Variants in ZNF268 observed in about 807,000 individuals in gnomAD.
ZNF268 encodes zinc finger protein 268.
A neutral mutation model predicts 29.3 loss-of-function variants in ZNF268; 20 were observed. The observed-to-expected ratio is 0.68, with a 90% CI of 0.48 to 0.99. The LOEUF (loss-of-function observed/expected upper bound fraction) is 0.99, where lower values mean the gene tolerates loss of function less well. Ranked by LOEUF, ZNF268 falls within the 50% of genes least tolerant of loss-of-function variation. ZNF268 has a pLI of 0.00. For missense variants in ZNF268, 1,240 were observed against 1,121.6 expected (o/e 1.11, Z -1.51); for synonymous variants, 429 against 376.9 (o/e 1.14, Z -1.60).
In ZNF268 at chr12:133,203,897, A is replaced by G. The variant is rs561074064; in HGVS notation, c.2211A>G (p.Ser737=). Residue 737 remains serine, a synonymous_variant, in exon 6 of 6, where the codon TCA becomes TCG. Coordinates refer to ENST00000536435, the MANE Select transcript of ZNF268 (RefSeq NM_003415.3). ...RECGKSFSFN[S]QLIVHQRIHT... ...GCGGGAAATCCTTTAGTTTCAATTCACAACTCATTGTGCATCAGAGAATTC... is the reference window on the plus strand; with the variant it reads ...GCGGGAAATCCTTTAGTTTCAATTCGCAACTCATTGTGCATCAGAGAATTC... 3.2e-6 allele frequency: 5 copies of G among 1,580,350 alleles called. No individual in the cohort carries two copies. The African/African-American group carries it at 6.8e-5, about 21-fold the overall frequency.
At chr12:133,194,939 T>C (rs749061246) in intron 5 of ZNF268, among the ~76,000 whole-genome samples, 5 of 66,166 alleles carry the variant, frequency 7.6e-5, no homozygotes, top group Non-Finnish European at 1.7e-4. Context: ...AAGTCTAGGA[T>C]CCTGTTCCCA....
Position 133,203,562 on chromosome 12 carries a change from A to T in ZNF268, c.1876A>T (p.Asn626Tyr). The change falls in exon 6 of 6, where the codon AAC (asparagine) becomes TAC (tyrosine). Residue 626 changes from asparagine (N) to tyrosine (Y), a missense_variant. Asn to Tyr is a moderately radical substitution (Grantham distance 143). Transcript: ENST00000536435. ...ECQKAFNTKS[N>Y]LIVHQRTHTG... Reference sequence around the variant, plus strand: ...TCAGAAAGCCTTTAATACAAAGTCAAACCTGATTGTACATCAGAGAACTCA... The same window carrying T: ...TCAGAAAGCCTTTAATACAAAGTCATACCTGATTGTACATCAGAGAACTCA... The T allele has an allele frequency of 6.4e-7, 1 of 1,560,812 alleles. No individual in the cohort carries two copies. Among genetic ancestry groups the T allele is most frequent in the Non-Finnish European group, 8.6e-7 (1 of 1,156,204 alleles).
chr12:133,191,561 A>G lies in ZNF268; in HGVS notation c.307A>G (p.Lys103Glu). ...GTGGCAGCTGCTAGACCCAGCACAG[A>G]AGTGCCTGTACAGGAGTGTGATGTT... ...EEWQLLDPAQKCLYRSVMLEN... is the reference protein window; with the variant it reads ...EEWQLLDPAQECLYRSVMLEN... The change falls in exon 4 of 6, where the codon AAG becomes GAG. Residue 103 changes from lysine to glutamate, a missense_variant. This residue lies in a region of ZNF268 where 1,177 missense variants were observed against 1,039.6 expected (regional missense o/e 1.13). Coordinates refer to ENST00000536435, the MANE Select transcript of ZNF268 (RefSeq NM_003415.3). 1 of 1,614,048 alleles carries G rather than the reference A, an allele frequency of 6.2e-7. No individual in the cohort carries two copies. The highest frequency in any genetic ancestry group is 8.5e-7 in the Non-Finnish European group (1 of 1,179,982).
chr12:133,191,939 C>T lies in ZNF268; in HGVS notation c.393C>T (p.Phe131=), dbSNP rs781532248. ...AACACACCAAACCTGATATCATCTT[C>T]AAGTTGGAACAAGGAGAAGAGCTGT... ...GYQHTKPDII[F]KLEQGEELCM... is the part of the protein sequence containing the mutation. Residue 131 remains phenylalanine, a synonymous_variant, in exon 5 of 6, where the codon TTC becomes TTT. Transcript: ENST00000536435. The T allele has an allele frequency of 4.3e-6, 7 of 1,613,974 alleles. No individual in the cohort carries two copies. The East Asian group carries it at 1.1e-4, about 26-fold the overall frequency.
chr12:133,197,848 G>A (rs35037183), intron 5 of ZNF268, among the ~76,000 whole-genome samples: 8,091 of 152,138 alleles, frequency 0.053, 704 homozygotes, highest in African/African-American at 0.18. Context: ...TTTGAGAAGT[G>A]TCTGTTCATA....
chr12:133,208,232 A>C lies in ZNF268; in HGVS notation c.*3702A>C, dbSNP rs531657120. On this transcript the variant is annotated 3_prime_UTR_variant, in exon 6 of 6. Coordinates refer to ENST00000536435, the MANE Select transcript of ZNF268 (RefSeq NM_003415.3). ...CAGGTGTGGTCAGGCGCCGTGGCTC[A>C]TGCCTGTAATCCCAGCACTTTGGGA... is the stretch of plus-strand genomic sequence containing the variant. The C allele has an allele frequency of 1.8e-4, 28 of 152,264 alleles. No individual in the cohort carries two copies. The highest frequency in any genetic ancestry group is 6.3e-4 in the African/African-American group (26 of 41,516). 9.4% of individuals were successfully genotyped at this position (152,264 alleles called of 1,614,324 possible).
At chr12:133,195,971 A>G (rs536740823) in intron 5 of ZNF268, among the ~76,000 whole-genome samples, 19 of 148,894 alleles carry the variant, frequency 1.3e-4, no homozygotes, top group African/African-American at 4.4e-4. Flanking sequence ...CAGCCTCCCA[A>G]GGTGCTGGGA....
chr12:133,181,796 G>T (rs1956182817), intron 1 of ZNF268, 110 bp downstream of exon 1: 2 of 606,278 alleles, frequency 3.3e-6, no homozygotes, highest in Non-Finnish European at 5.9e-6. Context: ...CTGTGTGTTG[G>T]TGAGGGTGTG....
At chr12:133,187,592 G>A (rs755836922) in intron 2 of ZNF268, among the ~76,000 whole-genome samples, 16 of 152,010 alleles carry the variant, frequency 1.1e-4, no homozygotes, top group Non-Finnish European at 1.8e-4. Context: ...CAGGAAGTCC[G>A]TTTGGAGGCT....
At chr12:133,185,472 TGAGA>T (rs1001572403) in intron 2 of ZNF268, among the ~76,000 whole-genome samples, 1 of 92,346 alleles carries the variant, frequency 1.1e-5, no homozygotes, top group Non-Finnish European at 2.3e-5. Context: ...GATCAGGGAG[TGAGA>T]GAGAGGAGAG....
At position 133,187,944 on chromosome 12, in the gene ZNF268, G is replaced by A. The variant is rs1956365129; in HGVS notation, c.106G>A (p.Gly36Ser). ...GCTCCAAGGTCAGGAATCCATCTTG[G>A]GCCAAGGGACTCCTGGTCTGCAACC... The part of the protein sequence containing the change: ...RKLQGQESIL[G>S]QGTPGLQPLP... Residue 36 changes from glycine (G) to serine (S), a missense_variant, in exon 3 of 6, where the codon GGC becomes AGC. This residue lies in a region of ZNF268 where 51 missense variants were observed against 51.4 expected (regional missense o/e 0.99). Transcript: ENST00000536435. 1 of 1,600,156 alleles carries A rather than the reference G, an allele frequency of 6.2e-7. No homozygotes were observed. The highest frequency in any genetic ancestry group is 8.5e-7 in the Non-Finnish European group (1 of 1,173,256).
At position 133,191,936 on chromosome 12, in the gene ZNF268, C is replaced by T. The variant is rs372724095; in HGVS notation, c.390C>T (p.Ile130=). ...ACCAACACACCAAACCTGATATCAT[C>T]TTCAAGTTGGAACAAGGAGAAGAGC... The part of the protein sequence containing the change: ...LGYQHTKPDI[I]FKLEQGEELC... The change falls in exon 5 of 6, where the codon ATC becomes ATT. Residue 130 remains isoleucine, a synonymous_variant. Transcript: ENST00000536435. 5.0e-6 allele frequency: 8 copies of T among 1,614,098 alleles called. No homozygotes were observed. Among genetic ancestry groups the T allele is most frequent in the Non-Finnish European group, 6.8e-6 (8 of 1,180,004 alleles).
intron 5 of ZNF268, 51 bp from the exon 6 acceptor site, chr12:133,202,093 A>G: frequency 2.8e-6 from 4 of 1,434,760 alleles, no homozygotes; most frequent in Non-Finnish European, 2.8e-6. Flanking sequence ...ACTTTCTAGT[A>G]TACCGCAATC....
Position 133,205,167 on chromosome 12 carries a change from A to AG in ZNF268, c.*637_*638insG, listed in dbSNP as rs1956873500. 1 of 142,130 alleles carries AG rather than the reference A, an allele frequency of 7.0e-6. No individual in the cohort carries two copies. The highest frequency in any genetic ancestry group is 7.3e-5 in the Admixed American group (1 of 13,676). 8.8% of individuals were successfully genotyped at this position (142,130 alleles called of 1,614,324 possible). On this transcript the variant is annotated 3_prime_UTR_variant, in exon 6 of 6. Coordinates refer to ENST00000536435, the MANE Select transcript of ZNF268 (RefSeq NM_003415.3). The stretch of plus-strand genomic sequence containing the variant: ...TCTAAAAAAAAAAAAAAAAAAAAAA[A>AG]AAAAAACCAACCTGTTATTATATCT...
intron 3 of ZNF268, among the ~76,000 whole-genome samples, chr12:133,189,504 G>A (rs922682910): frequency 3.3e-5 from 5 of 151,956 alleles, no homozygotes; most frequent in Non-Finnish European, 5.9e-5. Context: ...TGTGAGCCAC[G>A]GCATCCAGCT....
Position 133,188,063 on chromosome 12 carries a change from CAA to C in ZNF268, c.226_227del (p.Lys76ValfsTer39), listed in dbSNP as rs777073912. The C allele has an allele frequency of 6.1e-5, 96 of 1,586,536 alleles. No individual in the cohort carries two copies. Among genetic ancestry groups the C allele is most frequent in the Non-Finnish European group, 8.1e-5 (95 of 1,166,136 alleles). On this transcript the variant is annotated frameshift_variant, in exon 3 of 6. Coordinates refer to ENST00000536435, the MANE Select transcript of ZNF268 (RefSeq NM_003415.3). LOFTEE classifies it high-confidence loss of function. Reference protein sequence around the residue: ...FISQEQPKITKSWGPLSFMDV... With the variant: ...FISQEQPKITXSWGPLSFMDV... Reference sequence around the variant, plus strand: ...TTTCCCAAGAGCAGCCAAAAATCACCAAGTCCTGGGTGAGCTTCTCATTTGTT... The same window carrying C: ...TTTCCCAAGAGCAGCCAAAAATCACCGTCCTGGGTGAGCTTCTCATTTGTT...
At position 133,203,436 on chromosome 12, in the gene ZNF268, T is replaced by C; in HGVS notation, c.1750T>C (p.Tyr584His). Residue 584 changes from tyrosine to histidine, a missense_variant, in exon 6 of 6, where the codon TAT becomes CAT. By Grantham distance (83) the Tyr-to-His change is moderately conservative. Around this residue, in one of 3 missense-constraint regions of ZNF268, gnomAD observed 1,177 missense variants for 1,039.6 expected, o/e 1.13. Coordinates refer to ENST00000536435, the MANE Select transcript of ZNF268 (RefSeq NM_003415.3). The part of the protein sequence containing the change: ...HQRTHAGEKP[Y>H]ECTDCGKAFG... ...GAGAACTCATGCAGGAGAGAAGCCTTATGAATGCACCGACTGTGGAAAGGC... is the reference window on the plus strand; with the variant it reads ...GAGAACTCATGCAGGAGAGAAGCCTCATGAATGCACCGACTGTGGAAAGGC... The C allele has an allele frequency of 6.5e-7, 1 of 1,543,060 alleles. No individual in the cohort carries two copies. Among genetic ancestry groups the C allele is most frequent in the Non-Finnish European group, 8.7e-7 (1 of 1,148,944 alleles).
In ZNF268 at chr12:133,210,883, C is replaced by T. The variant is rs1452641707; in HGVS notation, c.*6353C>T. On this transcript the variant is annotated 3_prime_UTR_variant, in exon 6 of 6. Transcript: ENST00000536435. ...GCTAGACAAGGTGTGTGCTTGCACC[C>T]CTTCCTTACTACCTAGGCACAGTGT... 2 of 456,056 alleles carry T rather than the reference C, an allele frequency of 4.4e-6. No individual in the cohort carries two copies. The highest frequency in any genetic ancestry group is 4.7e-5 in the Admixed American group (2 of 42,578). 28.3% of individuals were successfully genotyped at this position (456,056 alleles called of 1,614,324 possible).
At chr12:133,196,422 CT>C (rs1956601222) in intron 5 of ZNF268, among the ~76,000 whole-genome samples, 1 of 151,428 alleles carries the variant, frequency 6.6e-6, no homozygotes, top group African/African-American at 2.4e-5. Context: ...AAGTATAATC[CT>C]GTTTTTGCCA....
Sources: gnomAD v4.1 joint callset for allele counts (sites outside exome capture counted in the v4.1 genomes callset) on GRCh38, gnomAD v4.1.1 for gene constraint, gnomAD v4.1.1 regional missense constraint, MANE v1.5 for transcripts, NCBI Gene and HGNC (gene_info 2026-07-23, HGNC 2026-07-21) for gene names.